Variants in DYNC2H1 observed in about 807,000 individuals in gnomAD.
DYNC2H1 encodes the protein cytoplasmic dynein 2 heavy chain 1.
DYNC2H1 carries 410 observed loss-of-function variants against 570.0 expected under a neutral mutation model. The ratio of observed to expected loss-of-function variants is 0.72; its 90% CI spans 0.66 to 0.78. The LOEUF (loss-of-function observed/expected upper bound fraction) is 0.78, where lower values mean the gene tolerates loss of function less well. Among genes scored for constraint, DYNC2H1 ranks in the 30% least tolerant of loss-of-function variants. The probability of loss-of-function intolerance (pLI) is 0.00; values close to 1 mark genes in which losing one functional copy is unlikely to be tolerated. For missense variants in DYNC2H1, 4,865 were observed against 5,046.4 expected, an observed-to-expected ratio of 0.96 and a Z score of 1.09; for synonymous variants, 1,688 against 1,677.6, an observed-to-expected ratio of 1.01 and a Z score of -0.15.
intron 84 of DYNC2H1, among the ~76,000 whole-genome samples, chr11:103,428,069 G>A (rs575822150): frequency 1.4e-4 from 21 of 151,598 alleles, no homozygotes; most frequent in African/African-American, 5.1e-4. Flanking sequence ...GACACACCCA[G>A]AAATAACCTT....
At chr11:103,187,760 C>A (rs1455400117) in intron 43 of DYNC2H1, among the ~76,000 whole-genome samples, 174 bp downstream of exon 43, 1 of 152,042 alleles carries the variant, frequency 6.6e-6, no homozygotes, top group African/African-American at 2.4e-5. Context: ...ATTTTCCTTT[C>A]TTTAGAAGTT....
intron 83 of DYNC2H1, among the ~76,000 whole-genome samples, chr11:103,374,261 A>G (rs2566950): frequency 0.45 from 68,050 of 151,740 alleles, 16,295 homozygotes; most frequent in Non-Finnish European, 0.54. Context: ...TGGTTTTCTC[A>G]TGCTGTTCTC....
intron 12 of DYNC2H1, among the ~76,000 whole-genome samples, chr11:103,128,484 A>G (rs1859104204): frequency 1.3e-5 from 2 of 152,188 alleles, no homozygotes; most frequent in Admixed American, 1.3e-4. Flanking sequence ...AATATGAGAG[A>G]AGCATTAAGG....
intron 19 of DYNC2H1, 145 bp from the exon 20 acceptor site, chr11:103,148,345 T>G: frequency 1.2e-6 from 1 of 826,118 alleles, no homozygotes; most frequent in Non-Finnish European, 1.8e-6. Context: ...CTTGAAATTT[T>G]GTTTTATGAA....
intron 75 of DYNC2H1, among the ~76,000 whole-genome samples, chr11:103,291,312 C>T (rs1036623393): frequency 1.5e-4 from 23 of 152,030 alleles, no homozygotes; most frequent in African/African-American, 4.1e-4. Context: ...GTGGCAGGCA[C>T]CTGTAATCCC....
chr11:103,346,104 G>T (rs947739033), intron 82 of DYNC2H1, among the ~76,000 whole-genome samples: 2 of 152,056 alleles, frequency 1.3e-5, no homozygotes, highest in African/African-American at 4.8e-5. Flanking sequence ...ATGTAATGAT[G>T]ACTTTTCTAT....
At chr11:103,475,239 C>G (rs1243391760) in intron 88 of DYNC2H1, among the ~76,000 whole-genome samples, 10 of 152,090 alleles carry the variant, frequency 6.6e-5, no homozygotes, top group Non-Finnish European at 2.9e-5. Flanking sequence ...TGTAATTGCA[C>G]AAAACTTTGG....
At chr11:103,364,187 A>G (rs1340953172) in intron 83 of DYNC2H1, among the ~76,000 whole-genome samples, 1 of 152,220 alleles carries the variant, frequency 6.6e-6, no homozygotes, top group Non-Finnish European at 1.5e-5. Flanking sequence ...GACTTTTAAA[A>G]TATCAAAATA....
At chr11:103,323,473 T>G (rs1003428833) in intron 81 of DYNC2H1, among the ~76,000 whole-genome samples, 1 of 49,494 alleles carries the variant, frequency 2.0e-5, no homozygotes, top group Non-Finnish European at 6.0e-5. Flanking sequence ...AATATATAAA[T>G]ATATATATAT....
chr11:103,462,676 A>C (rs1387826129), intron 87 of DYNC2H1, among the ~76,000 whole-genome samples: 2 of 152,230 alleles, frequency 1.3e-5, no homozygotes, highest in African/African-American at 4.8e-5. Flanking sequence ...TAAACTGGGA[A>C]TATTCAAAAG....
At chr11:103,120,657 C>T (rs762525376) in intron 7 of DYNC2H1, 32 bp from the exon 8 acceptor site, 23 of 1,606,006 alleles carry the variant, frequency 1.4e-5, no homozygotes, top group Non-Finnish European at 1.9e-5. Context: ...TTAAAAAATA[C>T]TAAAGTCTAA....
chr11:103,447,111 C>T (rs1303680205), intron 85 of DYNC2H1, among the ~76,000 whole-genome samples: 1 of 152,040 alleles, frequency 6.6e-6, no homozygotes, highest in African/African-American at 2.4e-5. Context: ...ATTGTATTAC[C>T]TGAGATTTCC....
chr11:103,410,786 T>G (rs921362959), intron 84 of DYNC2H1, among the ~76,000 whole-genome samples: 1 of 146,330 alleles, frequency 6.8e-6, no homozygotes, highest in Non-Finnish European at 1.5e-5. Flanking sequence ...TTCTATTAGC[T>G]TGGGTTAATT....
In DYNC2H1 at chr11:103,459,570, A is replaced by G. The variant is rs573711157; in HGVS notation, c.12648+3214A>G. On this transcript the variant is annotated intron_variant, in intron 87 of 88. Coordinates refer to ENST00000375735, the MANE Select transcript of DYNC2H1 (RefSeq NM_001377.3). Reference sequence around the variant, plus strand: ...GTAGGTGTTCCTAGCATCGGCTACAATGGTATAGTGTGCCAGAAATTTGAT... The same window carrying G: ...GTAGGTGTTCCTAGCATCGGCTACAGTGGTATAGTGTGCCAGAAATTTGAT... Among the ~76,000 whole-genome samples the G allele has an allele frequency of 5.9e-5, 9 of 152,198 alleles. No homozygotes were observed. In the South Asian group the frequency reaches 8.3e-4, roughly 14 times the overall value.
At chr11:103,126,079 T>C (rs540764951) in intron 12 of DYNC2H1, among the ~76,000 whole-genome samples, 2 of 152,362 alleles carry the variant, frequency 1.3e-5, no homozygotes, top group African/African-American at 2.4e-5. Context: ...TTGATTATTA[T>C]ATTTTAGATG....
At chr11:103,341,977 CA>C (rs1369279109) in intron 82 of DYNC2H1, among the ~76,000 whole-genome samples, 3 of 151,982 alleles carry the variant, frequency 2.0e-5, no homozygotes, top group Non-Finnish European at 4.4e-5. Flanking sequence ...CCCTTCTCTA[CA>C]AAAAATTAAA....
At chr11:103,210,086 G>T in intron 53 of DYNC2H1, 126 bp downstream of exon 53, 1 of 1,120,486 alleles carries the variant, frequency 8.9e-7, no homozygotes, top group Non-Finnish European at 1.2e-6. Flanking sequence ...AACAAAATTA[G>T]ATTTCTTCTG....
chr11:103,142,104 C>T (rs918777956), intron 17 of DYNC2H1, among the ~76,000 whole-genome samples: 5 of 152,200 alleles, frequency 3.3e-5, no homozygotes, highest in Non-Finnish European at 5.9e-5. Context: ...TTCCAGGTGC[C>T]GTCTGTCACC....
chr11:103,121,418 T>C lies in DYNC2H1; in HGVS notation c.1407T>C (p.Asp469=). 6.2e-7 allele frequency: 1 copy of C among 1,613,250 alleles called. No individual in the cohort carries two copies. The highest frequency in any genetic ancestry group is 8.5e-7 in the Non-Finnish European group (1 of 1,179,560). ...ATCGGTGCCGAGGAATTCCTGGTGA[T>C]GCATCTGGACCACTTTCTGGCAAAA... ...FENRCRGIPG[D]ASGPLSGKNL... The change falls in exon 10 of 89, where the codon GAT becomes GAC. Residue 469 remains aspartate, a synonymous_variant. Coordinates refer to ENST00000375735, the MANE Select transcript of DYNC2H1 (RefSeq NM_001377.3).
Sources: gnomAD v4.1 joint callset for allele counts (sites outside exome capture counted in the v4.1 genomes callset) on GRCh38, gnomAD v4.1.1 for gene constraint, MANE v1.5 for transcripts, NCBI Gene and HGNC (gene_info 2026-07-23, HGNC 2026-07-21) for gene names.